The following NDUFAF6 variants were observed in gnomAD, a reference collection of about 807,000 sequenced individuals.
NDUFAF6 encodes the protein NADH:ubiquinone oxidoreductase complex assembly factor 6, also known as NADH dehydrogenase (ubiquinone) complex I, assembly factor 6.
NDUFAF6 carries 45 observed loss-of-function variants against 40.8 expected under a neutral mutation model. The ratio of observed to expected loss-of-function variants is 1.10; its 90% CI spans 0.87 to 1.42. The LOEUF (loss-of-function observed/expected upper bound fraction) is 1.42. Ranked by LOEUF, NDUFAF6 falls within the 40% of genes most tolerant of loss-of-function variation. The pLI is 0.00. For missense variants in NDUFAF6, 435 were observed against 418.5 expected (o/e 1.04, Z -0.34); for synonymous variants, 185 against 155.9 (o/e 1.19, Z -1.39).
At chr8:95,060,574 T>C (rs1157955509), downstream of NDUFAF6, among the ~76,000 whole-genome samples, 1 of 152,244 alleles carries the variant, frequency 6.6e-6, no homozygotes, top group African/African-American at 2.4e-5. Flanking sequence ...GGTGGTGTAC[T>C]TCGCACTTTT....
upstream of NDUFAF6, among the ~76,000 whole-genome samples, chr8:95,095,649 A>G (rs1444553866): frequency 6.9e-6 from 1 of 144,676 alleles, no homozygotes; most frequent in Non-Finnish European, 1.5e-5. Flanking sequence ...TCTTGTGTCT[A>G]AAAAAGATCA....
intron 1 of NDUFAF6, among the ~76,000 whole-genome samples, chr8:94,933,073 C>T (rs1820583384): frequency 6.6e-6 from 1 of 152,018 alleles, no homozygotes; most frequent in Non-Finnish European, 1.5e-5. Flanking sequence ...AAAAAATTAG[C>T]TGGAGATGGT....
intron 2 of NDUFAF6, among the ~76,000 whole-genome samples, chr8:95,015,054 T>C (rs1827382097): frequency 6.6e-6 from 1 of 152,228 alleles, no homozygotes; most frequent in South Asian, 2.1e-4. Context: ...GCCTGGATCA[T>C]GTCTACTACA....
At chr8:95,093,017 A>G (rs1042878145) in intron 2 of NDUFAF6, among the ~76,000 whole-genome samples, 3 of 152,180 alleles carry the variant, frequency 2.0e-5, no homozygotes, top group African/African-American at 4.8e-5. Flanking sequence ...TCTGAATTAT[A>G]GAAAACATAT....
intron 2 of NDUFAF6, among the ~76,000 whole-genome samples, chr8:94,991,670 TA>T (rs1826197436): frequency 6.6e-6 from 1 of 152,220 alleles, no homozygotes. Context: ...AAATTAAATA[TA>T]TTTTTTTCTT....
At chr8:94,937,357 C>A (rs1193122896) in intron 1 of NDUFAF6, among the ~76,000 whole-genome samples, 1 of 151,276 alleles carries the variant, frequency 6.6e-6, no homozygotes, top group East Asian at 1.9e-4. Flanking sequence ...AGGAGAATCA[C>A]TTGAACCCGG....
chr8:95,056,493 G>A (rs1395863005), intron 8 of NDUFAF6, among the ~76,000 whole-genome samples: 2 of 152,138 alleles, frequency 1.3e-5, no homozygotes, highest in African/African-American at 2.4e-5. Flanking sequence ...GATTACAGGC[G>A]TGAGCCACCA....
At chr8:95,108,054 A>G (rs553176372), downstream of NDUFAF6, among the ~76,000 whole-genome samples, 10 of 152,308 alleles carry the variant, frequency 6.6e-5, no homozygotes, top group African/African-American at 1.9e-4. Flanking sequence ...ACGACAAAAA[A>G]CCAGTACATA....
chr8:94,982,951 G>T (rs1825565003), intron 2 of NDUFAF6, among the ~76,000 whole-genome samples: 1 of 152,238 alleles, frequency 6.6e-6, no homozygotes, highest in Non-Finnish European at 1.5e-5. Flanking sequence ...ATACTGGTCA[G>T]CCCTGGAACA....
intron 1 of NDUFAF6, among the ~76,000 whole-genome samples, chr8:94,910,475 T>G (rs1818707416): frequency 6.6e-6 from 1 of 152,216 alleles, no homozygotes; most frequent in Admixed American, 6.5e-5. Flanking sequence ...GATAGAGGCC[T>G]CTGAGCTTGA....
At chr8:95,091,258 T>C (rs1809240346) in intron 2 of NDUFAF6, among the ~76,000 whole-genome samples, 2 of 152,002 alleles carry the variant, frequency 1.3e-5, no homozygotes, top group African/African-American at 4.8e-5. Context: ...TCAGGAAACT[T>C]ACAATCATGG....
At chr8:95,112,046 T>C (rs1471515468) in intron 4 of NDUFAF6, among the ~76,000 whole-genome samples, 1 of 152,132 alleles carries the variant, frequency 6.6e-6, no homozygotes, top group African/African-American at 2.4e-5. Flanking sequence ...TGCTTCCAAC[T>C]ATGGCGGACA....
chr8:94,981,429 T>G (rs1401132595), intron 2 of NDUFAF6, among the ~76,000 whole-genome samples: 1 of 152,156 alleles, frequency 6.6e-6, no homozygotes, highest in African/African-American at 2.4e-5. Flanking sequence ...AGAAAACGGA[T>G]TAAGACATAT....
upstream of NDUFAF6, among the ~76,000 whole-genome samples, chr8:95,022,596 A>AG (rs571565025): frequency 1.1e-3 from 169 of 151,682 alleles, 2 homozygotes; most frequent in African/African-American, 4.0e-3. Flanking sequence ...TCCAAAAAAA[A>AG]AAAAAAGAAA....
At chr8:94,998,015 T>A (rs888356742) in intron 2 of NDUFAF6, among the ~76,000 whole-genome samples, 2 of 152,200 alleles carry the variant, frequency 1.3e-5, no homozygotes, top group Non-Finnish European at 2.9e-5. Flanking sequence ...CCTGGGCTGC[T>A]CTTGAGTTAG....
At chr8:95,088,927 T>A (rs1366977178) in intron 2 of NDUFAF6, among the ~76,000 whole-genome samples, 1 of 150,028 alleles carries the variant, frequency 6.7e-6, no homozygotes, top group South Asian at 2.1e-4. Context: ...GCCTGGCTAA[T>A]TTTTGTATTT....
intron 2 of NDUFAF6, among the ~76,000 whole-genome samples, chr8:95,084,594 C>T (rs1294553828): frequency 1.3e-5 from 2 of 152,206 alleles, no homozygotes; most frequent in Non-Finnish European, 2.9e-5. Flanking sequence ...GCGTCACTTT[C>T]CAATACGTGC....
chr8:95,073,434 G>A (rs1002578201), intron 9 of NDUFAF6, among the ~76,000 whole-genome samples: 3 of 151,970 alleles, frequency 2.0e-5, no homozygotes, highest in African/African-American at 7.3e-5. Context: ...CCCAGCCGGG[G>A]AGGGACTGGA....
intron 1 of NDUFAF6, among the ~76,000 whole-genome samples, chr8:94,963,159 A>G (rs574214950): frequency 1.3e-5 from 2 of 152,300 alleles, no homozygotes; most frequent in East Asian, 1.9e-4. Context: ...CAGGCTCTCT[A>G]TTACCTGCAG....
Sources: gnomAD v4.1 joint callset for allele counts (sites outside exome capture counted in the v4.1 genomes callset) on GRCh38, gnomAD v4.1.1 for gene constraint, MANE v1.5 for transcripts, NCBI Gene and HGNC (gene_info 2026-07-23, HGNC 2026-07-21) for gene names.